MACROH2A2: variants seen among roughly 807,000 people sequenced by gnomAD.
The protein encoded by MACROH2A2 is core histone macro-H2A.2.
Under a neutral mutation model 37.6 loss-of-function variants are expected in MACROH2A2, and 6 were observed. The observed-to-expected ratio is 0.16, with a 90% CI of 0.09 to 0.32. The LOEUF is 0.32. MACROH2A2 is among the 10% of genes least tolerant of loss of function. The probability of loss-of-function intolerance (pLI) is 1.00; values close to 1 mark genes in which losing one functional copy is unlikely to be tolerated. For missense variants in MACROH2A2, 290 were observed against 485.9 expected, an observed-to-expected ratio of 0.60 and a Z score of 3.79; for synonymous variants, 192 against 202.7, an observed-to-expected ratio of 0.95 and a Z score of 0.45.
intron 1 of MACROH2A2, among the ~76,000 whole-genome samples, chr10:70,073,291 C>A (rs971202184): frequency 6.6e-6 from 1 of 152,210 alleles, no homozygotes; most frequent in Non-Finnish European, 1.5e-5. Flanking sequence ...CACATAGTTG[C>A]TTGCTTCCTC....
intron 1 of MACROH2A2, among the ~76,000 whole-genome samples, chr10:70,056,306 G>A (rs2072016269): frequency 6.6e-6 from 1 of 152,016 alleles, no homozygotes; most frequent in African/African-American, 2.4e-5. Flanking sequence ...GGAGTGCATT[G>A]GCACAATCTC....
In MACROH2A2 at chr10:70,072,213, A is replaced by C. The variant is rs558952198; in HGVS notation, c.-59-3387A>C. On this transcript the variant is annotated intron_variant, in intron 1 of 8. Transcript: ENST00000373255. The stretch of plus-strand genomic sequence containing the variant: ...ACTCTATAAGCATTTTTCTTTTTTT[A>C]TTTTATTATTATTATACTTTAAGTT... 6.6e-5 allele frequency among the ~76,000 whole-genome samples: 10 copies of C among 151,544 alleles called. No homozygotes were observed. In the South Asian group the frequency reaches 2.1e-3, roughly 32 times the overall value.
intron 2 of MACROH2A2, among the ~76,000 whole-genome samples, chr10:70,076,672 C>A (rs912755232): frequency 6.6e-6 from 1 of 152,134 alleles, no homozygotes; most frequent in African/African-American, 2.4e-5. Flanking sequence ...CCAAGGTTAA[C>A]AAATTCCCTA....
rs568179551 is a variant in MACROH2A2 at position 70,053,359 on chromosome 10, G to A, written c.-60+359G>A. Among the ~76,000 whole-genome samples the A allele has an allele frequency of 6.6e-6, 1 of 152,142 alleles. No homozygotes were observed. Among genetic ancestry groups the A allele is most frequent in the Admixed American group, 6.5e-5 (1 of 15,300 alleles). ...GAGGAAGCGGAGGTCTCCTGGGAAT[G>A]CGGAGTTTCGGGCGCAGGAGCGGGA... On this transcript the variant is annotated intron_variant, in intron 1 of 8. Coordinates refer to ENST00000373255, the MANE Select transcript of MACROH2A2 (RefSeq NM_018649.3). The surrounding 1 kb of genome is among the most constrained non-coding windows in gnomAD (Gnocchi z 4.8).
chr10:70,100,306 G>T lies in MACROH2A2; in HGVS notation c.778+9G>T. ...TTTGGAAGTCGCCGAAGGTAAGTGT[G>T]GAACTAGGCTCCTGTCACCAGCATG... On this transcript the variant is annotated intron_variant, in intron 7 of 8. Coordinates refer to ENST00000373255, the MANE Select transcript of MACROH2A2 (RefSeq NM_018649.3). 1 of 1,509,328 alleles carries T rather than the reference G, an allele frequency of 6.6e-7. No homozygotes were observed. 93.5% of individuals were successfully genotyped at this position (1,509,328 alleles called of 1,614,324 possible). A position where few individuals can be genotyped will look rare whatever the true frequency, so the allele number is the denominator to read the frequency against.
intron 1 of MACROH2A2, among the ~76,000 whole-genome samples, chr10:70,069,538 G>A (rs2072097216): frequency 6.6e-6 from 1 of 152,058 alleles, no homozygotes; most frequent in East Asian, 1.9e-4. Flanking sequence ...ACAGAGCCAC[G>A]TGGCCTCCAG....
chr10:70,081,541 CAAGGGAAGG>C (rs1172699265), intron 2 of MACROH2A2, among the ~76,000 whole-genome samples: 2 of 151,918 alleles, frequency 1.3e-5, no homozygotes, highest in Non-Finnish European at 2.9e-5. Context: ...CGTCAGAGGC[CAAGGGAAGG>C]AAGGGAAGGC....
chr10:70,078,213 T>C (rs1215263491), intron 2 of MACROH2A2, among the ~76,000 whole-genome samples: 1 of 152,186 alleles, frequency 6.6e-6, no homozygotes, highest in Non-Finnish European at 1.5e-5. Flanking sequence ...TTGTTGAGCA[T>C]CTCCACGTCA....
chr10:70,086,437 T>C (rs556580283), intron 2 of MACROH2A2, among the ~76,000 whole-genome samples: 1 of 152,366 alleles, frequency 6.6e-6, no homozygotes, highest in African/African-American at 2.4e-5. Context: ...TGAATTGTGC[T>C]GCATGCTGAG....
intron 7 of MACROH2A2, among the ~76,000 whole-genome samples, chr10:70,108,492 CCTT>C (rs946304508): frequency 3.9e-5 from 6 of 152,200 alleles, no homozygotes; most frequent in African/African-American, 1.2e-4. Flanking sequence ...ATCTCTGTCT[CCTT>C]CATCCCACGG....
At chr10:70,072,655 C>G (rs1030292953) in intron 1 of MACROH2A2, among the ~76,000 whole-genome samples, 4 of 152,120 alleles carry the variant, frequency 2.6e-5, no homozygotes, top group Admixed American at 2.6e-4. Flanking sequence ...TGTGCTACAC[C>G]GTTAGGATGT....
chr10:70,104,915 A>T (rs2072327598), intron 7 of MACROH2A2, among the ~76,000 whole-genome samples: 1 of 152,348 alleles, frequency 6.6e-6, no homozygotes, highest in East Asian at 1.9e-4. Flanking sequence ...ACAAAAAAAA[A>T]GTGCATCTTA....
At position 70,053,912 on chromosome 10, in the gene MACROH2A2, G is replaced by T. The variant is rs916421440; in HGVS notation, c.-60+912G>T. On this transcript the variant is annotated intron_variant, in intron 1 of 8. Coordinates refer to ENST00000373255, the MANE Select transcript of MACROH2A2 (RefSeq NM_018649.3). This position sits in a 1 kb window ranked among gnomAD's most constrained non-coding sequence, Gnocchi z 4.8. ...AGGGCTCTGCCGGGCGCCGGACGCC[G>T]TGCGTATCGCTCGCGGGGCGCGGCG... Among the ~76,000 whole-genome samples, 1 of 152,206 alleles carries T rather than the reference G, an allele frequency of 6.6e-6. No individual in the cohort carries two copies. The highest frequency in any genetic ancestry group is 2.4e-5 in the African/African-American group (1 of 41,462).
intron 1 of MACROH2A2, among the ~76,000 whole-genome samples, chr10:70,073,230 C>T (rs1449303120): frequency 6.6e-6 from 1 of 152,238 alleles, no homozygotes; most frequent in African/African-American, 2.4e-5. Flanking sequence ...TGTTTCCCCT[C>T]TTTCCTGCGA....
chr10:70,092,585 CTGAA>C (rs2136636205), intron 4 of MACROH2A2, among the ~76,000 whole-genome samples: 1 of 152,332 alleles, frequency 6.6e-6, no homozygotes, highest in East Asian at 1.9e-4. Flanking sequence ...GCAGACACCT[CTGAA>C]GGACCGAGGA....
At chr10:70,103,810 A>C (rs1397269217) in intron 7 of MACROH2A2, among the ~76,000 whole-genome samples, 1 of 152,190 alleles carries the variant, frequency 6.6e-6, no homozygotes, top group East Asian at 1.9e-4. Flanking sequence ...TGGAAACAGG[A>C]AAGAAATACC....
intron 2 of MACROH2A2, among the ~76,000 whole-genome samples, chr10:70,077,286 C>G (rs1437439144): frequency 1.3e-5 from 2 of 152,152 alleles, no homozygotes; most frequent in Non-Finnish European, 2.9e-5. Flanking sequence ...TGCAAGTTCC[C>G]GCCAGGCACA....
chr10:70,055,528 C>G lies in MACROH2A2; in HGVS notation c.-60+2528C>G, dbSNP rs372516591. ...TGAGTATACACCAATTCTTAAACAC[C>G]TCTAGATAGGGAAAGAAATGAAATA... On this transcript the variant is annotated intron_variant, in intron 1 of 8. Transcript: ENST00000373255. 2.1e-3 allele frequency among the ~76,000 whole-genome samples: 310 copies of G among 149,718 alleles called. 1 individual carries two copies. Among genetic ancestry groups the G allele is most frequent in the South Asian group, 7.1e-3 (33 of 4,662 alleles).
At chr10:70,100,888 A>T (rs2072302988) in intron 7 of MACROH2A2, among the ~76,000 whole-genome samples, 1 of 152,158 alleles carries the variant, frequency 6.6e-6, no homozygotes, top group African/African-American at 2.4e-5. Context: ...AAGTGCTGGG[A>T]TTACAGACAT....
Sources: gnomAD v4.1 joint callset for allele counts (sites outside exome capture counted in the v4.1 genomes callset) on GRCh38, gnomAD v4.1.1 for gene constraint, Gnocchi (gnomAD v3.1) non-coding constraint, MANE v1.5 for transcripts, NCBI Gene and HGNC (gene_info 2026-07-23, HGNC 2026-07-21) for gene names.